Variants in GPR160 observed in about 807,000 individuals in gnomAD.
GPR160 encodes the protein probable G protein-coupled receptor 160.
In GPR160, 2 loss-of-function variants were observed where a neutral mutation model predicts 2.6. The ratio of observed to expected loss-of-function variants is 0.77; its 90% CI spans 0.32 to 2.44. The LOEUF is 2.44. Among genes scored for constraint, GPR160 ranks in the 30% most tolerant of loss-of-function variants. GPR160 has a pLI of 0.11. For missense variants in GPR160, 351 were observed against 383.6 expected (o/e 0.91, Z 0.71); for synonymous variants, 130 against 132.2 (o/e 0.98, Z 0.12).
chr3:170,079,074 G>A (rs1713003530), intron 2 of GPR160, among the ~76,000 whole-genome samples: 1 of 152,218 alleles, frequency 6.6e-6, no homozygotes, highest in Admixed American at 6.5e-5. Flanking sequence ...CCTGAAAGGG[G>A]GGACAGTAAT....
intron 2 of GPR160, among the ~76,000 whole-genome samples, chr3:170,053,084 T>C (rs1255521370): frequency 6.6e-6 from 1 of 152,176 alleles, no homozygotes; most frequent in African/African-American, 2.4e-5. Flanking sequence ...TCAGGTAGTG[T>C]AAGTCGTCCA....
At chr3:170,048,389 C>G (rs1371098173) in intron 2 of GPR160, among the ~76,000 whole-genome samples, 4 of 152,158 alleles carry the variant, frequency 2.6e-5, no homozygotes, top group Admixed American at 2.0e-4. Context: ...GTAACCAAAA[C>G]CCACTTGTAC....
At chr3:170,051,033 C>T (rs1339230392) in intron 2 of GPR160, among the ~76,000 whole-genome samples, 1 of 152,186 alleles carries the variant, frequency 6.6e-6, no homozygotes, top group Admixed American at 6.5e-5. Context: ...TTTTAAGAAA[C>T]TGCCAAACTA....
intron 2 of GPR160, chr3:170,057,950 T>G (rs1711727254): frequency 2.0e-5 from 3 of 152,126 alleles, no homozygotes; most frequent in Non-Finnish European, 2.9e-5. Flanking sequence ...GACATAGATA[T>G]GGAGTTCAAA....
chr3:170,041,347 G>C (rs1716442021), intron 2 of GPR160, among the ~76,000 whole-genome samples: 1 of 147,796 alleles, frequency 6.8e-6, no homozygotes, highest in African/African-American at 2.5e-5. Flanking sequence ...TGTCACCCAG[G>C]CTGGAGTGCA....
At chr3:170,064,026 AAAT>A (rs1712148169) in intron 2 of GPR160, among the ~76,000 whole-genome samples, 1 of 152,174 alleles carries the variant, frequency 6.6e-6, no homozygotes, top group Admixed American at 6.5e-5. Flanking sequence ...ATTTATTAAA[AAAT>A]AATAATAAAA....
At chr3:170,059,814 T>C (rs909711617) in intron 2 of GPR160, among the ~76,000 whole-genome samples, 2 of 152,134 alleles carry the variant, frequency 1.3e-5, no homozygotes, top group Non-Finnish European at 2.9e-5. Flanking sequence ...ATCCATTAGC[T>C]GTTTTTCCTG....
chr3:170,051,167 G>T (rs959194472), intron 2 of GPR160, among the ~76,000 whole-genome samples: 2 of 152,078 alleles, frequency 1.3e-5, no homozygotes, highest in Non-Finnish European at 2.9e-5. Context: ...GGTATATAAT[G>T]GTGTCTCATT....
At chr3:170,066,048 C>T (rs1340726515) in intron 2 of GPR160, among the ~76,000 whole-genome samples, 1 of 151,534 alleles carries the variant, frequency 6.6e-6, no homozygotes, top group African/African-American at 2.4e-5. Context: ...GCACACATGC[C>T]CAGTGCTCAC....
chr3:170,050,092 T>G (rs1477723777), intron 2 of GPR160, among the ~76,000 whole-genome samples: 1 of 151,508 alleles, frequency 6.6e-6, no homozygotes, highest in East Asian at 1.9e-4. Flanking sequence ...TGAGTTTCAC[T>G]CTTGTTGACC....
chr3:170,062,464 G>C (rs1712017535), intron 2 of GPR160: 2 of 560,456 alleles, frequency 3.6e-6, no homozygotes, highest in South Asian at 1.8e-5. Context: ...TACACGTCAC[G>C]AAGTCAAATG....
chr3:170,043,108 A>G (rs138779380), intron 2 of GPR160, among the ~76,000 whole-genome samples: 2,910 of 151,948 alleles, frequency 0.019, 45 homozygotes, highest in Middle Eastern at 0.045. Context: ...GTCTCGATCT[A>G]CTGACCTCGT....
At chr3:170,082,589 TTC>T (rs550910942) in intron 3 of GPR160, among the ~76,000 whole-genome samples, 68 of 151,566 alleles carry the variant, frequency 4.5e-4, no homozygotes, top group African/African-American at 1.6e-3. Context: ...TGTGTTTCGT[TTC>T]TTTCTTGTTT....
At chr3:170,073,741 T>C (rs766889886) in intron 2 of GPR160, among the ~76,000 whole-genome samples, 5 of 152,214 alleles carry the variant, frequency 3.3e-5, no homozygotes, top group African/African-American at 9.6e-5. Flanking sequence ...ATTCTAGTCC[T>C]TGTGAAATGA....
intron 3 of GPR160, among the ~76,000 whole-genome samples, chr3:170,082,825 G>A (rs1713202435): frequency 6.6e-6 from 1 of 151,628 alleles, no homozygotes; most frequent in Non-Finnish European, 1.5e-5. Context: ...CAACTCCTGG[G>A]CTCAAGCCAT....
intron 2 of GPR160, among the ~76,000 whole-genome samples, chr3:170,047,744 A>G (rs948518951): frequency 1.6e-4 from 24 of 151,584 alleles, no homozygotes; most frequent in Non-Finnish European, 5.9e-5. Context: ...ACATATACAC[A>G]TACACAACAC....
intron 2 of GPR160, among the ~76,000 whole-genome samples, chr3:170,067,238 CA>C (rs896982754): frequency 2.0e-5 from 3 of 152,186 alleles, no homozygotes; most frequent in African/African-American, 7.2e-5. Context: ...CTCCTGGACT[CA>C]AACGATCCTT....
At chr3:170,080,361 GCC>G (rs747862214) in intron 3 of GPR160, among the ~76,000 whole-genome samples, 4 of 152,102 alleles carry the variant, frequency 2.6e-5, no homozygotes, top group Non-Finnish European at 5.9e-5. Context: ...TCGTAAATTG[GCC>G]AAAATCTTGT....
At chr3:170,047,241 A>G (rs977090388) in intron 2 of GPR160, among the ~76,000 whole-genome samples, 1 of 152,080 alleles carries the variant, frequency 6.6e-6, no homozygotes, top group African/African-American at 2.4e-5. Context: ...TGTACCTGCC[A>G]CACCCTCACC....
Sources: allele counts gnomAD v4.1 joint callset (sites outside exome capture counted in the v4.1 genomes callset), GRCh38; gene constraint gnomAD v4.1.1; transcripts MANE v1.5; gene names NCBI Gene and HGNC (gene_info 2026-07-23, HGNC 2026-07-21).